The following MTERF1 variants were observed in gnomAD, a reference collection of about 807,000 sequenced individuals.
MTERF1 encodes the protein transcription termination factor 1, mitochondrial.
A neutral mutation model predicts 31.6 loss-of-function variants in MTERF1; 29 were observed. The observed-to-expected ratio is 0.92, with a 90% confidence interval of 0.68 to 1.25. MTERF1 has a LOEUF of 1.25. Ranked by LOEUF, MTERF1 falls within the 50% of genes most tolerant of loss-of-function variation. The pLI, the probability that MTERF1 is intolerant of heterozygous loss-of-function variation, is 0.00. For synonymous variants in MTERF1, 152 were observed against 164.1 expected, an observed-to-expected ratio of 0.93 and a Z score of 0.57; for missense variants, 500 against 469.1, an observed-to-expected ratio of 1.07 and a Z score of -0.61.
rs1437205580 is a variant in MTERF1 at position 91,873,592 on chromosome 7, C to T, written c.*2G>A. 6 of 1,595,154 alleles carry T rather than the reference C, an allele frequency of 3.8e-6. No homozygotes were observed. Among genetic ancestry groups the T allele is most frequent in the Non-Finnish European group, 5.1e-6 (6 of 1,172,020 alleles). On this transcript the variant is annotated 3_prime_UTR_variant, in exon 3 of 3. Coordinates refer to ENST00000351870, the MANE Select transcript of MTERF1 (RefSeq NM_006980.5). The stretch of plus-strand genomic sequence containing the variant: ...TCCTGAGAATTAAAAACATTGGCAT[C>T]CTTAGGCAAATCTGCTTAACTTTTT...
At chr7:91,880,004 T>C in intron 2 of MTERF1, 51 bp downstream of exon 2, 1 of 1,605,070 alleles carries the variant, frequency 6.2e-7, no homozygotes, top group East Asian at 2.2e-5. Flanking sequence ...CCAGCTGGTC[T>C]TCTTTTGATA....
intron 2 of MTERF1, among the ~76,000 whole-genome samples, chr7:91,879,400 C>T (rs1254791158): frequency 6.6e-6 from 1 of 150,736 alleles, no homozygotes; most frequent in East Asian, 1.9e-4. Flanking sequence ...GGGAGGGGGA[C>T]GTTAATATAT....
chr7:91,874,325 C>T lies in MTERF1; in HGVS notation c.469G>A (p.Val157Ile). The T allele has an allele frequency of 6.2e-7, 1 of 1,614,090 alleles. No individual in the cohort carries two copies. Among genetic ancestry groups the T allele is most frequent in the Non-Finnish European group, 8.5e-7 (1 of 1,180,026 alleles). ...TCAGGAGAACGTTCCAAAATATTTA[C>T]AATTTCAAGGTCTGATGTCACAATC... ...RKIVTSDLEIVNILERSPESF... is the reference protein window; with the variant it reads ...RKIVTSDLEIINILERSPESF... Residue 157 changes from valine to isoleucine, a missense_variant, in exon 3 of 3, where the codon GTA (valine) becomes ATA (isoleucine). Val to Ile is a conservative substitution (Grantham distance 29, BLOSUM62 3). Transcript: ENST00000351870.
chr7:91,879,955 A>G, intron 2 of MTERF1, 100 bp downstream of exon 2: 1 of 1,409,976 alleles, frequency 7.1e-7, no homozygotes, highest in Non-Finnish European at 9.9e-7. Flanking sequence ...AAAGGCTGTT[A>G]ATGGAAATAA....
Position 91,873,656 on chromosome 7 carries a change from G to A in MTERF1, c.1138C>T (p.Leu380Phe). 1.2e-6 allele frequency: 2 copies of A among 1,613,798 alleles called. No homozygotes were observed. The highest frequency in any genetic ancestry group is 1.7e-6 in the Non-Finnish European group (2 of 1,179,940). Reference protein sequence around the residue: ...GCNLSTLNITLLSWSKKRYEA... With the variant: ...GCNLSTLNITFLSWSKKRYEA... ...TATCTTTTTTTACTCCAAGATAGAA[G>A]AGTGATGTTTAAAGTACTCAAGTTA... The change falls in exon 3 of 3, where the codon CTT (leucine) becomes TTT (phenylalanine). Residue 380 changes from leucine to phenylalanine, a missense_variant. By Grantham distance (22) the Leu-to-Phe change is conservative (BLOSUM62 0). Transcript: ENST00000351870.
At chr7:91,875,962 G>A (rs1789336162) in intron 2 of MTERF1, among the ~76,000 whole-genome samples, 1 of 152,144 alleles carries the variant, frequency 6.6e-6, no homozygotes, top group African/African-American at 2.4e-5. Flanking sequence ...TGTGCTGAAA[G>A]ATGGCATGTA....
Position 91,872,188 on chromosome 7 carries a change from T to C in MTERF1, c.*1406A>G, listed in dbSNP as rs1046905457. 6.6e-6 allele frequency: 1 copy of C among 152,224 alleles called. No homozygotes were observed. The allele number at this position is 152,224 out of a possible 1,614,324, so 9.4% of individuals were successfully genotyped here. On this transcript the variant is annotated 3_prime_UTR_variant, in exon 3 of 3. Transcript: ENST00000351870. ...TATTATAAGCAATGGAAGATAAAGT[T>C]GCACAACTCTATATATAAATTGAAC...
chr7:91,877,126 TAAAC>T (rs1584464429), intron 2 of MTERF1: 1 of 162,806 alleles, frequency 6.1e-6, no homozygotes, highest in Non-Finnish European at 1.3e-5. Context: ...ATATAATCAA[TAAAC>T]AAATGTACAT....
intron 2 of MTERF1, among the ~76,000 whole-genome samples, chr7:91,879,152 G>T (rs1789430644): frequency 6.6e-6 from 1 of 151,434 alleles, no homozygotes; most frequent in Admixed American, 6.6e-5. Flanking sequence ...CATAAAAAAA[G>T]AAAATAGAAG....
rs551906573 is a variant in MTERF1, at chr7:91,874,436, C to T, written c.358G>A (p.Val120Met). The change falls in exon 3 of 3, where the codon GTG becomes ATG. Residue 120 changes from valine (V) to methionine (M), a missense_variant. Coordinates refer to ENST00000351870, the MANE Select transcript of MTERF1 (RefSeq NM_006980.5). ...FLLSKGASKE[V>M]IASIISRYPR... is the part of the protein sequence containing the mutation. The stretch of plus-strand genomic sequence containing the variant: ...TATCTTGATATGATGCTAGCGATCA[C>T]TTCTTTGCTAGCTCCTTTGGAAAGA... 1 of 1,614,098 alleles carries T rather than the reference C, an allele frequency of 6.2e-7. No individual in the cohort carries two copies. The highest frequency in any genetic ancestry group is 1.1e-5 in the South Asian group (1 of 91,078).
In MTERF1 at chr7:91,873,006, T is replaced by A. The variant is rs567487733; in HGVS notation, c.*588A>T. The A allele has an allele frequency of 2.6e-5, 4 of 152,358 alleles. No homozygotes were observed. Among genetic ancestry groups the A allele is most frequent in the East Asian group, 3.9e-4 (2 of 5,192 alleles). 9.4% of individuals were successfully genotyped at this position (152,358 alleles called of 1,614,324 possible). A position where few individuals can be genotyped will look rare whatever the true frequency, so the allele number is the denominator to read the frequency against. ...ATTCCAGAAGGGTAGGTAGATTTTT[T>A]AAATATAATTACTCTTATAAAAGGA... On this transcript the variant is annotated 3_prime_UTR_variant, in exon 3 of 3. Transcript: ENST00000351870.
chr7:91,878,554 G>A (rs1462790570), intron 2 of MTERF1, among the ~76,000 whole-genome samples: 1 of 152,186 alleles, frequency 6.6e-6, no homozygotes, highest in East Asian at 1.9e-4. Flanking sequence ...GGAAAAAAGG[G>A]CCAGGGGCAG....
In MTERF1 at chr7:91,874,628, T is replaced by G. The variant is rs765644769; in HGVS notation, c.166A>C (p.Arg56=). The change falls in exon 3 of 3, where the codon AGG becomes CGG. Residue 56 remains arginine (R), a synonymous_variant. Transcript: ENST00000351870. ...AENIFKSVSF[R]LFGVKCHNTD... ...TTATGACACTTCACACCAAAAAGCC[T>G]AAATGAAACTGATTTGAAGATGTTT... 1 of 1,614,110 alleles carries G rather than the reference T, an allele frequency of 6.2e-7. No homozygotes were observed.
At chr7:91,875,794 A>T (rs1789331836) in intron 2 of MTERF1, among the ~76,000 whole-genome samples, 1 of 152,204 alleles carries the variant, frequency 6.6e-6, no homozygotes. Context: ...TTCTTAGCTT[A>T]TATAGACCTC....
At chr7:91,878,679 C>T (rs1789410624) in intron 2 of MTERF1, among the ~76,000 whole-genome samples, 1 of 151,878 alleles carries the variant, frequency 6.6e-6, no homozygotes, top group Admixed American at 6.6e-5. Context: ...TACAAAAAAT[C>T]AAAACATTAG....
In MTERF1 at chr7:91,874,328, T is replaced by C. The variant is rs766116116; in HGVS notation, c.466A>G (p.Ile156Val). Reference protein sequence around the residue: ...WRKIVTSDLEIVNILERSPES... With the variant: ...WRKIVTSDLEVVNILERSPES... ...GGAGAACGTTCCAAAATATTTACAATTTCAAGGTCTGATGTCACAATCTTT... is the reference window on the plus strand; with the variant it reads ...GGAGAACGTTCCAAAATATTTACAACTTCAAGGTCTGATGTCACAATCTTT... Residue 156 changes from isoleucine (I) to valine (V), a missense_variant, in exon 3 of 3, where the codon ATT becomes GTT. Transcript: ENST00000351870. 1 of 1,614,144 alleles carries C rather than the reference T, an allele frequency of 6.2e-7. No individual in the cohort carries two copies. Among genetic ancestry groups the C allele is most frequent in the South Asian group, 1.1e-5 (1 of 91,080 alleles).
Position 91,874,359 on chromosome 7 carries a change from C to T in MTERF1, c.435G>A (p.Leu145=). ...TPENLSKRWD[L]WRKIVTSDLE... Reference sequence around the variant, plus strand: ...GGTCTGATGTCACAATCTTTCTCCACAGATCCCACCGTTTTGAAAGATTCT... The same window carrying T: ...GGTCTGATGTCACAATCTTTCTCCATAGATCCCACCGTTTTGAAAGATTCT... The change falls in exon 3 of 3, where the codon CTG becomes CTA. Residue 145 remains leucine, a synonymous_variant. Transcript: ENST00000351870. 1 of 1,614,154 alleles carries T rather than the reference C, an allele frequency of 6.2e-7. No homozygotes were observed. The highest frequency in any genetic ancestry group is 2.2e-5 in the East Asian group (1 of 44,876).
At chr7:91,880,559 G>A (rs929572456) in intron 1 of MTERF1, 98 bp downstream of exon 1, 3 of 182,980 alleles carry the variant, frequency 1.6e-5, no homozygotes, top group African/African-American at 7.1e-5. Context: ...CTCCTCCAAA[G>A]ACAAATCTGC....
At position 91,874,376 on chromosome 7, in the gene MTERF1, A is replaced by G; in HGVS notation, c.418T>C (p.Ser140Pro). The change falls in exon 3 of 3, where the codon TCA (serine) becomes CCA (proline). Residue 140 changes from serine to proline, a missense_variant. Ser to Pro is a moderately conservative substitution (Grantham distance 74, BLOSUM62 -1). Coordinates refer to ENST00000351870, the MANE Select transcript of MTERF1 (RefSeq NM_006980.5). ...RAITRTPENLSKRWDLWRKIV... is the reference protein window; with the variant it reads ...RAITRTPENLPKRWDLWRKIV... Reference sequence around the variant, plus strand: ...TTTCTCCACAGATCCCACCGTTTTGAAAGATTCTCGGGAGTACGTGTTATT... The same window carrying G: ...TTTCTCCACAGATCCCACCGTTTTGGAAGATTCTCGGGAGTACGTGTTATT... 6.2e-7 allele frequency: 1 copy of G among 1,614,160 alleles called. No homozygotes were observed. Among genetic ancestry groups the G allele is most frequent in the Non-Finnish European group, 8.5e-7 (1 of 1,180,028 alleles).
Sources: allele counts gnomAD v4.1 joint callset (sites outside exome capture counted in the v4.1 genomes callset), GRCh38; gene constraint gnomAD v4.1.1; transcripts MANE v1.5; gene names NCBI Gene and HGNC (gene_info 2026-07-23, HGNC 2026-07-21).